The following KRTCAP3 variants were observed in gnomAD, a reference collection of about 807,000 sequenced individuals.
The protein encoded by KRTCAP3 is keratinocyte-associated protein 3.
KRTCAP3 carries 18 observed loss-of-function variants against 20.5 expected under a neutral mutation model. The ratio of observed to expected loss-of-function variants is 0.88; its 90% CI spans 0.61 to 1.31. The LOEUF is 1.31. KRTCAP3 is among the 50% of genes most tolerant of loss of function. The pLI is 0.00. For synonymous variants in KRTCAP3, 167 were observed against 133.7 expected (o/e 1.25, Z -1.72); for missense variants, 347 against 310.4 (o/e 1.12, Z -0.89).
downstream of KRTCAP3, chr2:27,445,476 G>A: frequency 6.2e-7 from 1 of 1,601,258 alleles, no homozygotes; most frequent in Non-Finnish European, 8.5e-7. This position sits in a 1 kb window ranked among gnomAD's most constrained non-coding sequence, Gnocchi z 4.4. Context: ...GGGAGTGGTA[G>A]CTTCACACAG....
chr2:27,446,426 A>T, downstream of KRTCAP3: 1 of 1,309,786 alleles, frequency 7.6e-7, no homozygotes, highest in South Asian at 1.2e-5. Context: ...TGATCCTGTA[A>T]GGCAGCCACA....
At chr2:27,444,733 T>C (rs1204964768), downstream of KRTCAP3, among the ~76,000 whole-genome samples, 2 of 152,156 alleles carry the variant, frequency 1.3e-5, no homozygotes, top group East Asian at 3.9e-4. Context: ...CTGCAACCTC[T>C]GCCTCTCGGG....
chr2:27,445,466 G>A (rs1431263019), downstream of KRTCAP3: 11 of 1,605,014 alleles, frequency 6.9e-6, no homozygotes, highest in African/African-American at 9.4e-5. This position sits in a 1 kb window ranked among gnomAD's most constrained non-coding sequence, Gnocchi z 4.4. Context: ...AGGACAAGAA[G>A]GGAGTGGTAG....
chr2:27,445,149 TGAG>T (rs772324234), downstream of KRTCAP3: 6 of 1,610,132 alleles, frequency 3.7e-6, no homozygotes, highest in South Asian at 4.4e-5. This position sits in a 1 kb window ranked among gnomAD's most constrained non-coding sequence, Gnocchi z 4.4. Context: ...TGAGAGAGAT[TGAG>T]GAGGGAAAAA....
downstream of KRTCAP3, chr2:27,446,140 C>A (rs1286517022): frequency 7.7e-7 from 1 of 1,290,926 alleles, no homozygotes. Context: ...CATAGGAGGA[C>A]TACATCCTCC....
downstream of KRTCAP3, chr2:27,445,468 G>C: frequency 2.5e-6 from 4 of 1,604,854 alleles, no homozygotes; most frequent in South Asian, 2.2e-5. This position sits in a 1 kb window ranked among gnomAD's most constrained non-coding sequence, Gnocchi z 4.4. Flanking sequence ...GACAAGAAGG[G>C]AGTGGTAGCT....
rs145201619 is a variant in KRTCAP3 at position 27,443,106 on chromosome 2, C to T, written c.306C>T (p.Asn102=). The change falls in exon 4 of 7, where the codon AAC becomes AAT. Residue 102 remains asparagine, a synonymous_variant. Transcript: ENST00000288873. Reference sequence around the variant, plus strand: ...TCCTGCTGGCACTAGCTCTGGTGAACCTGCTCTTGTCCGTTGCCTGCTCCC... The same window carrying T: ...TCCTGCTGGCACTAGCTCTGGTGAATCTGCTCTTGTCCGTTGCCTGCTCCC... ...HWVLLALALV[N]LLLSVACSLG... The T allele has an allele frequency of 6.8e-6, 11 of 1,613,908 alleles. No individual in the cohort carries two copies. Among genetic ancestry groups the T allele is most frequent in the Non-Finnish European group, 9.3e-6 (11 of 1,180,034 alleles).
In KRTCAP3 at chr2:27,442,565, C is replaced by T; in HGVS notation, c.29-14C>T. ...CCCGCCCGACTCAACCCTGCCCTCC[C>T]CCGTGCTTTGCAGACGCCGCCCGGG... On this transcript the variant is annotated splice_polypyrimidine_tract_variant and intron_variant, in intron 1 of 6. Coordinates refer to ENST00000288873, the MANE Select transcript of KRTCAP3 (RefSeq NM_173853.4). The T allele has an allele frequency of 6.5e-7, 1 of 1,526,750 alleles. No homozygotes were observed. The highest frequency in any genetic ancestry group is 8.8e-7 in the Non-Finnish European group (1 of 1,136,788). The allele number at this position is 1,526,750 out of a possible 1,614,324, so 94.6% of individuals were successfully genotyped here. A position where few individuals can be genotyped will look rare whatever the true frequency, so the allele number is the denominator to read the frequency against.
intron 3 of KRTCAP3, 46 bp from the exon 4 acceptor site, chr2:27,443,028 G>C (rs374736587): frequency 2.5e-5 from 40 of 1,585,382 alleles, no homozygotes; most frequent in Non-Finnish European, 3.2e-5. Flanking sequence ...CACTGGGAGA[G>C]TTAGCCAGGC....
At chr2:27,444,335 G>A, downstream of KRTCAP3, 2 of 746,266 alleles carry the variant, frequency 2.7e-6, no homozygotes, top group East Asian at 2.7e-5. Context: ...GGCACTGTGT[G>A]GTGTTGGGAA....
chr2:27,443,149 G>A lies in KRTCAP3; in HGVS notation c.349G>A (p.Val117Met), dbSNP rs1664726505. ...VACSLGLLLA[V>M]SLTVANGGRR... ...CTGCTCCCTGGGCCTCCTTCTTGCT[G>A]TGTCACTCACTGTGGCCAACGGTGG... The change falls in exon 4 of 7, where the codon GTG (valine) becomes ATG (methionine). Residue 117 changes from valine to methionine, a missense_variant. Val to Met is a conservative substitution (Grantham distance 21, BLOSUM62 1). Transcript: ENST00000288873. 1 of 1,614,126 alleles carries A rather than the reference G, an allele frequency of 6.2e-7. No homozygotes were observed. Among genetic ancestry groups the A allele is most frequent in the Non-Finnish European group, 8.5e-7 (1 of 1,180,008 alleles).
downstream of KRTCAP3, chr2:27,446,015 G>C (rs1173415035): frequency 6.2e-7 from 1 of 1,613,794 alleles, no homozygotes; most frequent in African/African-American, 1.3e-5. Context: ...TTGCAAATGG[G>C]AGTGAACAAG....
chr2:27,445,190 A>T, downstream of KRTCAP3: 1 of 1,595,112 alleles, frequency 6.3e-7, no homozygotes, highest in Non-Finnish European at 8.6e-7. The surrounding 1 kb of genome is among the most constrained non-coding windows in gnomAD (Gnocchi z 4.4). Flanking sequence ...GGTAGAAAGC[A>T]CAGTCCTGTC....
downstream of KRTCAP3, chr2:27,445,230 A>AT: frequency 1.3e-6 from 2 of 1,582,762 alleles, no homozygotes; most frequent in Non-Finnish European, 1.7e-6. The surrounding 1 kb of genome is among the most constrained non-coding windows in gnomAD (Gnocchi z 4.4). Context: ...TCCTAGTAAA[A>AT]TTAAGTTTAT....
intron 5 of KRTCAP3, 38 bp from the exon 6 acceptor site, chr2:27,443,911 T>C: frequency 1.8e-6 from 2 of 1,142,264 alleles, no homozygotes; most frequent in Non-Finnish European, 2.7e-6. Flanking sequence ...TGACCTATCA[T>C]TCAGGGCGAG....
At chr2:27,444,500 G>A, downstream of KRTCAP3, 1 of 1,613,594 alleles carries the variant, frequency 6.2e-7, no homozygotes, top group Non-Finnish European at 8.5e-7. Flanking sequence ...AGCACGTCCT[G>A]GCACACTGGG....
Position 27,443,479 on chromosome 2 carries a change from GCACT to G in KRTCAP3, c.568_571del (p.Thr190TyrfsTer16), listed in dbSNP as rs1558345029. 1.2e-6 allele frequency: 2 copies of G among 1,614,018 alleles called. No homozygotes were observed. The highest frequency in any genetic ancestry group is 1.3e-5 in the African/African-American group (1 of 74,906). On this transcript the variant is annotated frameshift_variant, in exon 5 of 7. Transcript: ENST00000288873. LOFTEE classifies it high-confidence loss of function. ...TCTATCTGGTTACTGCTGTGTGGCTGCACTCACTCTACGTGGAGTTGGGCCCTGC... is the reference window on the plus strand; with the variant it reads ...TCTATCTGGTTACTGCTGTGTGGCTGCACTCTACGTGGAGTTGGGCCCTGC...
chr2:27,443,887 CA>C (rs1664779268), intron 5 of KRTCAP3, 61 bp from the exon 6 acceptor site: 67 of 997,596 alleles, frequency 6.7e-5, no homozygotes, highest in Non-Finnish European at 9.3e-5. Flanking sequence ...AAAAACAAAA[CA>C]AAAAAAAGAT....
chr2:27,445,235 G>A (rs949178000), downstream of KRTCAP3: 12 of 1,584,598 alleles, frequency 7.6e-6, no homozygotes, highest in Non-Finnish European at 8.6e-6. This position sits in a 1 kb window ranked among gnomAD's most constrained non-coding sequence, Gnocchi z 4.4. Flanking sequence ...GTAAAATTAA[G>A]TTTATTGATC....
Sources: allele counts gnomAD v4.1 joint callset (sites outside exome capture counted in the v4.1 genomes callset), GRCh38; gene constraint gnomAD v4.1.1; non-coding constraint Gnocchi (gnomAD v3.1); transcripts MANE v1.5; gene names NCBI Gene and HGNC (gene_info 2026-07-23, HGNC 2026-07-21).